DSCAML1: variants seen among roughly 807,000 people sequenced by gnomAD.
DSCAML1 encodes DS cell adhesion molecule like 1.
A neutral mutation model predicts 200.5 loss-of-function variants in DSCAML1; 38 were observed. The observed-to-expected ratio is 0.19, with a 90% CI of 0.15 to 0.25. DSCAML1 has a LOEUF of 0.25. Ranked by LOEUF, DSCAML1 falls within the 10% of genes least tolerant of loss-of-function variation. The pLI, the probability that DSCAML1 is intolerant of heterozygous loss-of-function variation, is 1.00. For missense variants in DSCAML1, 2,223 were observed against 2,858.8 expected, an observed-to-expected ratio of 0.78 and a Z score of 5.07; for synonymous variants, 1,215 against 1,165.0, an observed-to-expected ratio of 1.04 and a Z score of -0.87.
At chr11:117,515,829 C>T (rs2049754956) in intron 8 of DSCAML1, among the ~76,000 whole-genome samples, 1 of 151,930 alleles carries the variant, frequency 6.6e-6, no homozygotes, top group African/African-American at 2.4e-5. Flanking sequence ...TCATTTGGGC[C>T]AGGCTGGTCT....
chr11:117,556,183 C>T (rs2050556039), intron 3 of DSCAML1, among the ~76,000 whole-genome samples: 1 of 152,154 alleles, frequency 6.6e-6, no homozygotes, highest in Non-Finnish European at 1.5e-5. Flanking sequence ...AGCATGGGGC[C>T]TGGCACACAG....
At chr11:117,699,329 C>T (rs943090454) in intron 3 of DSCAML1, among the ~76,000 whole-genome samples, 3 of 152,262 alleles carry the variant, frequency 2.0e-5, no homozygotes, top group Non-Finnish European at 2.9e-5. Context: ...CTGTAGCACA[C>T]GGCTGGGTCT....
chr11:117,739,604 A>G (rs2054384769), intron 3 of DSCAML1, among the ~76,000 whole-genome samples: 1 of 152,238 alleles, frequency 6.6e-6, no homozygotes, highest in South Asian at 2.1e-4. Context: ...AAGTCAAGCT[A>G]TTTACCCACT....
chr11:117,595,293 A>G (rs2051342682), intron 3 of DSCAML1, among the ~76,000 whole-genome samples: 1 of 152,334 alleles, frequency 6.6e-6, no homozygotes, highest in East Asian at 1.9e-4. Context: ...TTAAAATAGA[A>G]TACCAATTTG....
chr11:117,658,568 T>C (rs947917718), intron 3 of DSCAML1, among the ~76,000 whole-genome samples: 1 of 152,190 alleles, frequency 6.6e-6, no homozygotes, highest in Non-Finnish European at 1.5e-5. Context: ...AGGCATAGTT[T>C]ACGCCACAGT....
rs1360840949 is a variant in DSCAML1, at chr11:117,780,443, G to T, written c.364+50C>A. The T allele has an allele frequency of 8.7e-6, 12 of 1,379,840 alleles. No individual in the cohort carries two copies. Among genetic ancestry groups the T allele is most frequent in the Non-Finnish European group, 1.1e-5 (12 of 1,057,446 alleles). 85.5% of individuals were successfully genotyped at this position (1,379,840 alleles called of 1,614,324 possible). A position where few individuals can be genotyped will look rare whatever the true frequency, so the allele number is the denominator to read the frequency against. On this transcript the variant is annotated intron_variant, in intron 2 of 32. Transcript: ENST00000651296. The surrounding 1 kb of genome is among the most constrained non-coding windows in gnomAD (Gnocchi z 4.8). ...CCCCTCCGAATATCCTCAGAATGAC[G>T]GCGCAGCCTCCTCCTGTGCCACTGG... is the stretch of plus-strand genomic sequence containing the variant.
intron 3 of DSCAML1, among the ~76,000 whole-genome samples, chr11:117,650,661 GTCTATC>G (rs1186492039): frequency 7.0e-6 from 1 of 143,356 alleles, no homozygotes; most frequent in Non-Finnish European, 1.5e-5. Context: ...AAGTGTGTGT[GTCTATC>G]TGTGTGTGTG....
chr11:117,719,372 C>A (rs149011991), intron 3 of DSCAML1, among the ~76,000 whole-genome samples: 93 of 152,212 alleles, frequency 6.1e-4, no homozygotes, highest in African/African-American at 2.1e-3. Context: ...TGAACCCGGG[C>A]GGCGAAGGTG....
intron 3 of DSCAML1, among the ~76,000 whole-genome samples, chr11:117,617,694 A>G (rs935625297): frequency 1.2e-4 from 10 of 86,478 alleles, no homozygotes; most frequent in East Asian, 4.3e-4. Flanking sequence ...ACACACACAC[A>G]CACACACACA....
intron 1 of DSCAML1, among the ~76,000 whole-genome samples, chr11:117,808,604 C>T (rs1404139378): frequency 1.3e-5 from 2 of 152,164 alleles, no homozygotes; most frequent in African/African-American, 4.8e-5. Flanking sequence ...TAGCATAGGT[C>T]TTGGGGCTGG....
At chr11:117,665,142 C>T (rs1462848271) in intron 3 of DSCAML1, among the ~76,000 whole-genome samples, 3 of 152,176 alleles carry the variant, frequency 2.0e-5, no homozygotes, top group Non-Finnish European at 4.4e-5. Context: ...CCCAGGCTGG[C>T]CTCTGACCTA....
intron 3 of DSCAML1, among the ~76,000 whole-genome samples, chr11:117,646,335 T>G (rs1018465651): frequency 6.6e-6 from 1 of 151,994 alleles, no homozygotes; most frequent in Non-Finnish European, 1.5e-5. Flanking sequence ...GCTCTCGAGA[T>G]GGAGCCCTCA....
At chr11:117,747,072 C>T (rs990066930) in intron 3 of DSCAML1, among the ~76,000 whole-genome samples, 1 of 152,094 alleles carries the variant, frequency 6.6e-6, no homozygotes, top group Non-Finnish European at 1.5e-5. Flanking sequence ...AACTGCCACC[C>T]CTGAGCCCAG....
At chr11:117,543,020 C>T (rs925699226) in intron 3 of DSCAML1, among the ~76,000 whole-genome samples, 9 of 152,322 alleles carry the variant, frequency 5.9e-5, no homozygotes, top group East Asian at 1.9e-4. Context: ...TTCATTCTTC[C>T]GATGGAGGCT....
At chr11:117,749,183 C>T (rs571084115) in intron 3 of DSCAML1, among the ~76,000 whole-genome samples, 1 of 152,316 alleles carries the variant, frequency 6.6e-6, no homozygotes, top group South Asian at 2.1e-4. Flanking sequence ...TCCCTGGTCC[C>T]AACCAGGCCA....
At chr11:117,660,688 G>A (rs2052828593) in intron 3 of DSCAML1, among the ~76,000 whole-genome samples, 1 of 152,222 alleles carries the variant, frequency 6.6e-6, no homozygotes, top group Admixed American at 6.5e-5. Context: ...GCCGAGAGGG[G>A]TCAGGGCACC....
intron 26 of DSCAML1, among the ~76,000 whole-genome samples, chr11:117,436,782 G>C (rs548953628): frequency 6.6e-6 from 1 of 152,120 alleles, no homozygotes; most frequent in African/African-American, 2.4e-5. Context: ...AGTTCTTAGA[G>C]GTCAGGACCT....
chr11:117,439,652 A>T (rs1314476480), intron 22 of DSCAML1, among the ~76,000 whole-genome samples, 167 bp downstream of exon 22: 2 of 152,080 alleles, frequency 1.3e-5, no homozygotes, highest in Non-Finnish European at 2.9e-5. Flanking sequence ...GGGAGCCAGG[A>T]GGCCAGGCCT....
rs1377359550 is a variant in DSCAML1, at chr11:117,433,127, C to T, written c.5026+11G>A. The T allele has an allele frequency of 6.2e-7, 1 of 1,611,108 alleles. No individual in the cohort carries two copies. The highest frequency in any genetic ancestry group is 8.5e-7 in the Non-Finnish European group (1 of 1,177,684). On this transcript the variant is annotated intron_variant, in intron 29 of 32. Transcript: ENST00000651296. ...CAGCAGGACAGGGAACTTGTGGCAC[C>T]TGTCACTCACCCAGTTGCTTGATGC... is the stretch of plus-strand genomic sequence containing the variant.
Sources: allele counts gnomAD v4.1 joint callset (sites outside exome capture counted in the v4.1 genomes callset), GRCh38; gene constraint gnomAD v4.1.1; non-coding constraint Gnocchi (gnomAD v3.1); transcripts MANE v1.5; gene names NCBI Gene and HGNC (gene_info 2026-07-23, HGNC 2026-07-21).